HOXD3: variants seen among roughly 807,000 people sequenced by gnomAD.
The protein encoded by HOXD3 is homeobox D3, also known as homeobox protein Hox-D3.
Under a neutral mutation model 32.8 loss-of-function variants are expected in HOXD3, and 13 were observed. The observed-to-expected ratio is 0.40, with a 90% confidence interval of 0.26 to 0.63. The LOEUF is 0.63. Ranked by LOEUF, HOXD3 falls within the 20% of genes least tolerant of loss-of-function variation. The pLI is 0.44. For missense variants in HOXD3, 504 were observed against 577.1 expected (o/e 0.87, Z 1.30); for synonymous variants, 241 against 246.8 (o/e 0.98, Z 0.22).
intron 2 of HOXD3, among the ~76,000 whole-genome samples, chr2:176,168,458 C>T (rs765060347): frequency 7.9e-5 from 12 of 151,992 alleles, no homozygotes; most frequent in Non-Finnish European, 1.3e-4. Context: ...ATCCCAGCTA[C>T]TCAGGAGGCT....
chr2:176,152,805 A>G (rs1157129923), upstream of HOXD3: 9 of 1,614,070 alleles, frequency 5.6e-6, no homozygotes, highest in Admixed American at 1.7e-5. The surrounding 1 kb of genome is among the most constrained non-coding windows in gnomAD (Gnocchi z 5.2). Flanking sequence ...GAAGTGGAAA[A>G]AAGATCATAA....
chr2:176,165,549 G>C (rs1011784568), intron 2 of HOXD3: 1 of 152,244 alleles, frequency 6.6e-6, no homozygotes, highest in Non-Finnish European at 1.5e-5. Flanking sequence ...TCCCAGCACC[G>C]CAAGAAAGGG....
At position 176,171,701 on chromosome 2, in the gene HOXD3, C is replaced by T. The variant is rs1359486928; in HGVS notation, c.726C>T (p.Phe242=). 4.3e-6 allele frequency: 7 copies of T among 1,614,028 alleles called. No homozygotes were observed. The highest frequency in any genetic ancestry group is 1.3e-5 in the African/African-American group (1 of 74,948). Reference sequence around the variant, plus strand: ...CGGAACGCCAGATCAAGATCTGGTTCCAGAACCGGCGCATGAAGTACAAGA... The same window carrying T: ...CGGAACGCCAGATCAAGATCTGGTTTCAGAACCGGCGCATGAAGTACAAGA... ...NLTERQIKIW[F]QNRRMKYKKD... Residue 242 remains phenylalanine (F), a synonymous_variant, in exon 4 of 4, where the codon TTC becomes TTT. Coordinates refer to ENST00000683222, the MANE Select transcript of HOXD3 (RefSeq NM_006898.5).
Position 176,172,014 on chromosome 2 carries a change from G to A in HOXD3, c.1039G>A (p.Ala347Thr). Residue 347 changes from alanine (A) to threonine (T), a missense_variant, in exon 4 of 4, where the codon GCC becomes ACC. By Grantham distance (58) the Ala-to-Thr change is moderately conservative. Around this residue, in one of 3 missense-constraint regions of HOXD3, gnomAD observed 226 missense variants for 246.9 expected, o/e 0.92. Coordinates refer to ENST00000683222, the MANE Select transcript of HOXD3 (RefSeq NM_006898.5). ...CATGGCGAGCAACGGCGGCGGCTTC[G>A]CCAGCGCCAACTTGCAGGGCAGCCC... Reference protein sequence around the residue: ...HPMASNGGGFASANLQGSPVY... With the variant: ...HPMASNGGGFTSANLQGSPVY... The A allele has an allele frequency of 6.2e-7, 1 of 1,606,046 alleles. No individual in the cohort carries two copies. The highest frequency in any genetic ancestry group is 1.1e-5 in the South Asian group (1 of 90,750).
At chr2:176,171,277 C>T (rs1328504527) in intron 3 of HOXD3, among the ~76,000 whole-genome samples, 1 of 152,144 alleles carries the variant, frequency 6.6e-6, no homozygotes, top group Non-Finnish European at 1.5e-5. Flanking sequence ...GCAGAGTGAA[C>T]TGGATCTCAG....
In HOXD3 at chr2:176,171,542, GCCAGGC is replaced by G. The variant is rs941862603; in HGVS notation, c.572_577del (p.Gly191_Pro192del). 25 of 1,596,078 alleles carry G rather than the reference GCCAGGC, an allele frequency of 1.6e-5. No homozygotes were observed. The highest frequency in any genetic ancestry group is 2.1e-5 in the Non-Finnish European group (24 of 1,170,194). The stretch of plus-strand genomic sequence containing the variant: ...GAGAGAGCTGCGAGGACAAGAGCCC[GCCAGGC>G]CCAGCATCCAAGCGGGTACGCACGG... On this transcript the variant is annotated inframe_deletion, in exon 4 of 4. Coordinates refer to ENST00000683222, the MANE Select transcript of HOXD3 (RefSeq NM_006898.5).
At chr2:176,156,324 G>C (rs1690642981), upstream of HOXD3, among the ~76,000 whole-genome samples, 1 of 152,112 alleles carries the variant, frequency 6.6e-6, no homozygotes. Context: ...GTTGAATTCA[G>C]GGTACAGAGT....
At chr2:176,167,954 A>G (rs1190088714) in intron 2 of HOXD3, among the ~76,000 whole-genome samples, 1 of 152,192 alleles carries the variant, frequency 6.6e-6, no homozygotes, top group Non-Finnish European at 1.5e-5. Context: ...GTCTGAGGCT[A>G]TAAGTACTTT....
chr2:176,157,770 G>C (rs1424376007), intron 1 of HOXD3, among the ~76,000 whole-genome samples: 1 of 152,306 alleles, frequency 6.6e-6, no homozygotes, highest in Non-Finnish European at 1.5e-5. Context: ...GGGGCGAGGG[G>C]TGAGGGGCGA....
At chr2:176,158,752 C>A (rs1412847024) in intron 1 of HOXD3, among the ~76,000 whole-genome samples, 1 of 152,158 alleles carries the variant, frequency 6.6e-6, no homozygotes, top group Non-Finnish European at 1.5e-5. Context: ...GTGACTCGGG[C>A]GCAGATTCCA....
At chr2:176,155,777 G>T (rs961632647), upstream of HOXD3, among the ~76,000 whole-genome samples, 3 of 152,164 alleles carry the variant, frequency 2.0e-5, no homozygotes, top group African/African-American at 4.8e-5. Context: ...GTTTGTGTTG[G>T]TGTTTTAAAA....
upstream of HOXD3, chr2:176,153,031 C>T (rs989578598): frequency 2.2e-5 from 28 of 1,287,942 alleles, no homozygotes; most frequent in East Asian, 4.3e-4. Context: ...CCTCGCTGGG[C>T]TCTAAGGTAC....
intron 2 of HOXD3, among the ~76,000 whole-genome samples, chr2:176,167,742 T>G (rs561535146): frequency 6.7e-6 from 1 of 148,772 alleles, no homozygotes; most frequent in African/African-American, 2.5e-5. Context: ...GAGCATGTTA[T>G]AGGACTTTCA....
chr2:176,166,089 T>C (rs185344520), intron 2 of HOXD3, among the ~76,000 whole-genome samples: 42 of 152,322 alleles, frequency 2.8e-4, no homozygotes, highest in South Asian at 1.2e-3. Context: ...GCTCTTGCTT[T>C]TGGGGAAATG....
In HOXD3 at chr2:176,172,590, C is replaced by A; in HGVS notation, c.*316C>A. 3.0e-6 allele frequency: 1 copy of A among 332,676 alleles called. No homozygotes were observed. The highest frequency in any genetic ancestry group is 5.0e-5 in the East Asian group (1 of 20,200). 20.6% of individuals were successfully genotyped at this position (332,676 alleles called of 1,614,324 possible). ...GTAAGTCTGAGACCCATCAGCGGCG[C>A]GCCCTGCAGAGGGACCAGAGCTTGG... On this transcript the variant is annotated 3_prime_UTR_variant, in exon 4 of 4. Transcript: ENST00000683222.
At chr2:176,166,437 C>T (rs1439736784) in intron 2 of HOXD3, among the ~76,000 whole-genome samples, 3 of 152,128 alleles carry the variant, frequency 2.0e-5, no homozygotes, top group Non-Finnish European at 2.9e-5. Context: ...GTCTGAGTGT[C>T]CGATGTGACC....
At chr2:176,152,713 C>T (rs746947835), upstream of HOXD3, 7 of 1,614,196 alleles carry the variant, frequency 4.3e-6, no homozygotes, top group Non-Finnish European at 5.9e-6. The surrounding 1 kb of genome is among the most constrained non-coding windows in gnomAD (Gnocchi z 5.2). Flanking sequence ...AGGTATCTGA[C>T]AAGGCGCCGT....
chr2:176,160,028 C>T (rs942605482), intron 1 of HOXD3, among the ~76,000 whole-genome samples: 9 of 152,212 alleles, frequency 5.9e-5, no homozygotes, highest in Non-Finnish European at 1.3e-4. Flanking sequence ...GGCGGTGACT[C>T]GGCTGCTGAG....
At chr2:176,154,268 T>C (rs899844298), upstream of HOXD3, among the ~76,000 whole-genome samples, 9 of 152,212 alleles carry the variant, frequency 5.9e-5, no homozygotes, top group African/African-American at 2.2e-4. Context: ...AGAATCACTC[T>C]CAACAGGGGA....
Sources: allele counts gnomAD v4.1 joint callset (sites outside exome capture counted in the v4.1 genomes callset), GRCh38; gene constraint gnomAD v4.1.1; regional missense constraint gnomAD v4.1.1; non-coding constraint Gnocchi (gnomAD v3.1); transcripts MANE v1.5; gene names NCBI Gene and HGNC (gene_info 2026-07-23, HGNC 2026-07-21).